Variants in GNPDA2 observed in about 807,000 individuals in gnomAD.
The protein encoded by GNPDA2 is glcN6P deaminase 2.
In GNPDA2, 24 loss-of-function variants were observed where a neutral mutation model predicts 27.0. That is an observed-to-expected ratio of 0.89 (90% CI 0.64 to 1.25). The LOEUF is 1.25. Ranked by LOEUF, GNPDA2 falls within the 50% of genes most tolerant of loss-of-function variation. The pLI is 0.00. For synonymous variants in GNPDA2, 94 were observed against 108.4 expected (o/e 0.87, Z 0.83); for missense variants, 286 against 335.1 (o/e 0.85, Z 1.14).
chr4:44,708,762 A>G (rs1469055090), intron 5 of GNPDA2, among the ~76,000 whole-genome samples: 1 of 152,182 alleles, frequency 6.6e-6, no homozygotes, highest in Non-Finnish European at 1.5e-5. Flanking sequence ...GTTTTAAAAA[A>G]CAATGTTAAA....
At chr4:44,705,596 G>T in intron 6 of GNPDA2, 1 of 389,504 alleles carries the variant, frequency 2.6e-6, no homozygotes, top group Non-Finnish European at 3.5e-6. Flanking sequence ...AACATATGTC[G>T]ATATACCTTT....
At chr4:44,706,598 C>T (rs1448445415) in intron 6 of GNPDA2, 1 of 151,702 alleles carries the variant, frequency 6.6e-6, no homozygotes, top group African/African-American at 2.4e-5. Flanking sequence ...AGATTATATA[C>T]TTTATTTCTG....
At chr4:44,704,358 C>G (rs1185879553) in intron 6 of GNPDA2, 3 of 950,414 alleles carry the variant, frequency 3.2e-6, no homozygotes, top group African/African-American at 1.8e-5. Context: ...TGTAGAGGAT[C>G]GTTTTTCTAC....
chr4:44,719,013 G>A lies in GNPDA2; in HGVS notation c.125-603C>T, dbSNP rs1234589893. Among the ~76,000 whole-genome samples, 3 of 152,036 alleles carry A rather than the reference G, an allele frequency of 2.0e-5. No individual in the cohort carries two copies. The East Asian group carries it at 5.8e-4, about 29-fold the overall frequency. On this transcript the variant is annotated intron_variant, in intron 2 of 6. Coordinates refer to ENST00000295448, the MANE Select transcript of GNPDA2 (RefSeq NM_138335.3). ...TTTTTGCTTAAGATAGAACTTATAG[G>A]AAAGAGGATATTTCATCTGAGTTCT...
chr4:44,704,411 G>A lies in GNPDA2; in HGVS notation c.770-1269C>T, dbSNP rs372309870. 59 of 933,568 alleles carry A rather than the reference G, an allele frequency of 6.3e-5. 1 individual carries two copies. The East Asian group carries it at 1.1e-3, about 17-fold the overall frequency. The allele number at this position is 933,568 out of a possible 1,614,324, so 57.8% of individuals were successfully genotyped here. On this transcript the variant is annotated intron_variant, in intron 6 of 6. Transcript: ENST00000295448. ...GTCATTTGCTAACAACTTTGATTACGGAAAGAATACACAGAGCTTTAAAAT... is the reference window on the plus strand; with the variant it reads ...GTCATTTGCTAACAACTTTGATTACAGAAAGAATACACAGAGCTTTAAAAT...
chr4:44,722,175 C>A lies in GNPDA2; in HGVS notation c.33G>T (p.Leu11Phe). The change falls in exon 2 of 7, where the codon TTG becomes TTT. Residue 11 changes from leucine to phenylalanine, a missense_variant. Leu to Phe is a conservative substitution (Grantham distance 22). Coordinates refer to ENST00000295448, the MANE Select transcript of GNPDA2 (RefSeq NM_138335.3). MRLVILDNYD[L>F]ASEWAAKYIC... ...TGTATTTGGCTGCCCATTCACTAGCCAAGTCATAGTTATCAAGAATTACAA... is the reference window on the plus strand; with the variant it reads ...TGTATTTGGCTGCCCATTCACTAGCAAAGTCATAGTTATCAAGAATTACAA... 6.2e-7 allele frequency: 1 copy of A among 1,613,104 alleles called. No individual in the cohort carries two copies. Among genetic ancestry groups the A allele is most frequent in the Non-Finnish European group, 8.5e-7 (1 of 1,179,234 alleles).
intron 5 of GNPDA2, among the ~76,000 whole-genome samples, chr4:44,710,147 G>C (rs952618866): frequency 3.3e-5 from 5 of 151,942 alleles, no homozygotes; most frequent in African/African-American, 1.2e-4. Context: ...GTCCTTGAAA[G>C]GTCTTTTATT....
intron 4 of GNPDA2, among the ~76,000 whole-genome samples, chr4:44,711,806 C>T (rs1716996698): frequency 1.2e-5 from 1 of 80,244 alleles, no homozygotes; most frequent in Non-Finnish European, 2.8e-5. Context: ...ATATTGCAAT[C>T]TAGTATATAT....
intron 2 of GNPDA2, among the ~76,000 whole-genome samples, chr4:44,720,628 C>T (rs192024287): frequency 9.3e-4 from 142 of 152,164 alleles, no homozygotes; most frequent in African/African-American, 3.3e-3. Context: ...GAGATAATTA[C>T]AATGCAGCCT....
Position 44,722,114 on chromosome 4 carries a change from C to G in GNPDA2, c.94G>C (p.Asp32His). The change falls in exon 2 of 7, where the codon GAC becomes CAC. Residue 32 changes from aspartate to histidine, a missense_variant. By Grantham distance (81) the Asp-to-His change is moderately conservative. Coordinates refer to ENST00000295448, the MANE Select transcript of GNPDA2 (RefSeq NM_138335.3). ...NRIIQFKPGQ[D>H]RYFTLGLPTG... ...GGTAAACCCAGTGTAAAATATCTGT[C>G]CTGTCCAGGTTTGAACTGAATGATG... 1.2e-6 allele frequency: 2 copies of G among 1,612,908 alleles called. No individual in the cohort carries two copies. The highest frequency in any genetic ancestry group is 1.7e-6 in the Non-Finnish European group (2 of 1,179,260).
At chr4:44,710,865 A>G in intron 5 of GNPDA2, 88 bp downstream of exon 5, 2 of 1,093,146 alleles carry the variant, frequency 1.8e-6, no homozygotes, top group Non-Finnish European at 2.5e-6. Flanking sequence ...AATGCAATCA[A>G]AATATCACTT....
intron 6 of GNPDA2, chr4:44,704,219 C>T (rs1189714339): frequency 6.1e-6 from 6 of 984,474 alleles, no homozygotes; most frequent in Non-Finnish European, 7.2e-6. Flanking sequence ...TTCACTAGTC[C>T]TGCAACTGCT....
intron 4 of GNPDA2, among the ~76,000 whole-genome samples, chr4:44,712,512 A>G (rs1162595931): frequency 7.2e-6 from 1 of 138,886 alleles, no homozygotes; most frequent in Non-Finnish European, 1.6e-5. Flanking sequence ...TGTTTCTACT[A>G]TTAAGTATGT....
At chr4:44,705,567 C>G in intron 6 of GNPDA2, 1 of 608,564 alleles carries the variant, frequency 1.6e-6, no homozygotes, top group Non-Finnish European at 2.1e-6. Context: ...ATCTACCACC[C>G]TTCTATTTTA....
intron 4 of GNPDA2, among the ~76,000 whole-genome samples, chr4:44,716,670 G>A (rs1247740712): frequency 6.6e-6 from 1 of 151,880 alleles, no homozygotes; most frequent in Non-Finnish European, 1.5e-5. Context: ...TCAGTAAGAT[G>A]AAACAATTAA....
intron 1 of GNPDA2, among the ~76,000 whole-genome samples, chr4:44,725,526 C>T (rs1717956094): frequency 6.6e-6 from 1 of 152,174 alleles, no homozygotes; most frequent in African/African-American, 2.4e-5. Flanking sequence ...GTTAAGAACA[C>T]CACACATCTC....
rs906688741 is a variant in GNPDA2 at position 44,704,957 on chromosome 4, C to T, written c.770-1815G>A. On this transcript the variant is annotated intron_variant, in intron 6 of 6. Transcript: ENST00000295448. The stretch of plus-strand genomic sequence containing the variant: ...CGAGAATGAATAAAACAAATCCCCA[C>T]GTACTAAACTTGTTGTCTTGTGATT... The T allele has an allele frequency of 6.1e-5, 60 of 983,892 alleles. 1 individual carries two copies. The highest frequency in any genetic ancestry group is 1.1e-4 in the East Asian group (1 of 8,816). The allele number at this position is 983,892 out of a possible 1,614,324, so 60.9% of individuals were successfully genotyped here. A position where few individuals can be genotyped will look rare whatever the true frequency, so the allele number is the denominator to read the frequency against.
At chr4:44,723,506 C>T (rs1349970277) in intron 1 of GNPDA2, among the ~76,000 whole-genome samples, 1 of 152,072 alleles carries the variant, frequency 6.6e-6, no homozygotes, top group Non-Finnish European at 1.5e-5. Context: ...ATTTTTCTTT[C>T]TATTTGGGAG....
At chr4:44,705,180 A>G in intron 6 of GNPDA2, 2 of 983,108 alleles carry the variant, frequency 2.0e-6, no homozygotes, top group Non-Finnish European at 2.4e-6. Flanking sequence ...GAATTTGAAG[A>G]GTTATGGATG....
Sources: gnomAD v4.1 joint callset for allele counts (sites outside exome capture counted in the v4.1 genomes callset) on GRCh38, gnomAD v4.1.1 for gene constraint, MANE v1.5 for transcripts, NCBI Gene and HGNC (gene_info 2026-07-23, HGNC 2026-07-21) for gene names.